Variants in LIPJ observed in about 807,000 individuals in gnomAD.
LIPJ encodes the protein lipase member J.
A neutral mutation model predicts 39.8 loss-of-function variants in LIPJ; 33 were observed. The ratio of observed to expected loss-of-function variants is 0.83; its 90% CI spans 0.63 to 1.11. LIPJ has a LOEUF of 1.11. Among genes scored for constraint, LIPJ ranks in the 50% least tolerant of loss-of-function variants. The pLI is 0.00. For synonymous variants in LIPJ, 128 were observed against 139.2 expected (o/e 0.92, Z 0.57); for missense variants, 422 against 427.9 (o/e 0.99, Z 0.12).
the LIPJ span, chr10:88,619,080 A>G: frequency 6.6e-6 from 1 of 152,078 alleles, no homozygotes; most frequent in Non-Finnish European, 1.5e-5. Flanking sequence ...CTGTGGTATG[A>G]TAGGAAGTGC....
chr10:88,591,498 G>A, exon 4 of LIPJ: 1 of 1,593,248 alleles, frequency 6.3e-7, no homozygotes, highest in Non-Finnish European at 8.5e-7. Context: ...TAAAAATCTA[G>A]GTAATATTCA....
upstream of LIPJ, chr10:88,583,779 T>C (rs1850804161): frequency 1.1e-6 from 1 of 902,580 alleles, no homozygotes; most frequent in Admixed American, 6.2e-5. Flanking sequence ...TTTCTCCATC[T>C]GGGAAATGGA....
At chr10:88,604,022 T>A (rs1385829171) in intron 9 of LIPJ, among the ~76,000 whole-genome samples, 2 of 152,198 alleles carry the variant, frequency 1.3e-5, no homozygotes, top group African/African-American at 4.8e-5. Flanking sequence ...ACTCCTGTCA[T>A]CCTCAAGCTT....
chr10:88,600,491 T>G (rs547610819), intron 8 of LIPJ, among the ~76,000 whole-genome samples: 30 of 152,358 alleles, frequency 2.0e-4, no homozygotes, highest in African/African-American at 7.0e-4. Context: ...TGTTAAAATA[T>G]TCTACCTTCA....
chr10:88,613,373 AC>A, the LIPJ span, among the ~76,000 whole-genome samples: 2 of 152,058 alleles, frequency 1.3e-5, no homozygotes, highest in Non-Finnish European at 2.9e-5. Flanking sequence ...TCACAGGTTT[AC>A]CCAGTGAATG....
chr10:88,597,011 A>G (rs1851280819), intron 8 of LIPJ, 75 bp downstream of exon 8: 4 of 844,284 alleles, frequency 4.7e-6, no homozygotes, highest in Non-Finnish European at 7.2e-6. Context: ...TGCTTGTGTT[A>G]TACCTTGTGT....
At chr10:88,590,322 G>A (rs1258836887) in intron 2 of LIPJ, among the ~76,000 whole-genome samples, 1 of 151,730 alleles carries the variant, frequency 6.6e-6, no homozygotes, top group Non-Finnish European at 1.5e-5. Flanking sequence ...ATACTACAAT[G>A]GAGACTTCTA....
At chr10:88,609,305 C>T (rs1010854025), downstream of LIPJ, among the ~76,000 whole-genome samples, 1 of 152,158 alleles carries the variant, frequency 6.6e-6, no homozygotes, top group Non-Finnish European at 1.5e-5. Flanking sequence ...TCCTTGTTTT[C>T]TTTGGTAAAC....
downstream of LIPJ, among the ~76,000 whole-genome samples, chr10:88,607,704 A>G (rs150467756): frequency 6.6e-6 from 1 of 152,362 alleles, no homozygotes; most frequent in African/African-American, 2.4e-5. Context: ...GGATACTGTC[A>G]ATAAATGCAA....
chr10:88,598,713 A>G (rs1564935613), intron 8 of LIPJ, among the ~76,000 whole-genome samples: 1 of 151,904 alleles, frequency 6.6e-6, no homozygotes, highest in Non-Finnish European at 1.5e-5. Flanking sequence ...AAGGATGAAC[A>G]GAACAGTGCG....
At chr10:88,596,298 CTAT>C in exon 7 of LIPJ, 1 of 1,478,186 alleles carries the variant, frequency 6.8e-7, no homozygotes, top group Non-Finnish European at 9.1e-7. Flanking sequence ...ACATTTTCTA[CTAT>C]ATCAAAGATA....
At chr10:88,613,073 G>A in the LIPJ span, among the ~76,000 whole-genome samples, 1 of 152,106 alleles carries the variant, frequency 6.6e-6, no homozygotes, top group African/African-American at 2.4e-5. Context: ...TATTTATGTG[G>A]TAATCAAAAT....
At chr10:88,594,644 T>C (rs751785194) in intron 5 of LIPJ, 23 bp from the exon 6 acceptor site, 1 of 1,254,458 alleles carries the variant, frequency 8.0e-7, no homozygotes, top group Non-Finnish European at 1.1e-6. Flanking sequence ...AGTGCTATTT[T>C]TATTTTCCTC....
chr10:88,595,510 T>C (rs568843321), intron 6 of LIPJ, among the ~76,000 whole-genome samples: 6 of 151,824 alleles, frequency 4.0e-5, no homozygotes, highest in African/African-American at 1.2e-4. Flanking sequence ...TGTATAGATC[T>C]TTTCTCTGAC....
chr10:88,608,426 T>C (rs946503700), downstream of LIPJ, among the ~76,000 whole-genome samples: 1 of 152,152 alleles, frequency 6.6e-6, no homozygotes, highest in Non-Finnish European at 1.5e-5. Flanking sequence ...GTCTAAAAAA[T>C]AATTCCTTAA....
the LIPJ span, among the ~76,000 whole-genome samples, chr10:88,617,973 C>T: frequency 6.6e-6 from 1 of 152,200 alleles, no homozygotes; most frequent in African/African-American, 2.4e-5. Context: ...ACAGCACTCT[C>T]CCTAGATGAT....
rs185758519 is a variant in LIPJ at position 88,603,044 on chromosome 10, A to G, written c.795+397A>G. Among the ~76,000 whole-genome samples the G allele has an allele frequency of 8.5e-5, 13 of 152,266 alleles. No individual in the cohort carries two copies. In the East Asian group the frequency reaches 2.5e-3, roughly 29 times the overall value. Reference sequence around the variant, plus strand: ...GAGGTGGAGGTTGCAATGAGCCAATACTGTACTGCTGCACTCCAGCCTGGG... The same window carrying G: ...GAGGTGGAGGTTGCAATGAGCCAATGCTGTACTGCTGCACTCCAGCCTGGG... On this transcript the variant is annotated intron_variant, in intron 9 of 10. Coordinates refer to ENST00000371939, the Ensembl canonical transcript of LIPJ.
intron 9 of LIPJ, among the ~76,000 whole-genome samples, chr10:88,604,445 G>C (rs1291791704): frequency 1.3e-5 from 2 of 152,166 alleles, no homozygotes; most frequent in East Asian, 1.9e-4. Flanking sequence ...AGCAGTGAGA[G>C]AGTTAGAAAA....
At chr10:88,615,388 C>T in the LIPJ span, among the ~76,000 whole-genome samples, 156 of 152,096 alleles carry the variant, frequency 1.0e-3, no homozygotes, top group Non-Finnish European at 1.8e-3. Flanking sequence ...CCTGTCTCTA[C>T]TAAAAATACA....
Sources: allele counts gnomAD v4.1 joint callset (sites outside exome capture counted in the v4.1 genomes callset), GRCh38; gene constraint gnomAD v4.1.1; transcripts MANE v1.5; gene names NCBI Gene and HGNC (gene_info 2026-07-23, HGNC 2026-07-21).